The following ACAD9 variants were observed in gnomAD, a reference collection of about 807,000 sequenced individuals.
The protein encoded by ACAD9 is acyl-CoA dehydrogenase family member 9, also known as complex I assembly factor ACAD9, mitochondrial.
In ACAD9, 53 loss-of-function variants were observed where a neutral mutation model predicts 70.2. The ratio of observed to expected loss-of-function variants is 0.75; its 90% CI spans 0.61 to 0.95. ACAD9 has a LOEUF of 0.95. ACAD9 is among the 40% of genes least tolerant of loss of function. The probability of loss-of-function intolerance (pLI) is 0.00; values close to 1 mark genes in which losing one functional copy is unlikely to be tolerated. For missense variants in ACAD9, 777 were observed against 802.8 expected, an observed-to-expected ratio of 0.97 and a Z score of 0.39; for synonymous variants, 313 against 312.1, an observed-to-expected ratio of 1.00 and a Z score of -0.03.
At chr3:128,911,669 T>A (rs1331261240) in intron 17 of ACAD9, among the ~76,000 whole-genome samples, 2 of 139,946 alleles carry the variant, frequency 1.4e-5, no homozygotes, top group Admixed American at 7.2e-5. Context: ...CTCCAACCCC[T>A]GACCTCAGGT....
Position 128,897,696 on chromosome 3 carries a change from C to A in ACAD9, c.619C>A (p.Leu207Ile). Residue 207 changes from leucine (L) to isoleucine (I), a missense_variant, in exon 6 of 18, where the codon CTC becomes ATC. Leu to Ile is a conservative substitution (Grantham distance 5). Coordinates refer to ENST00000308982, the MANE Select transcript of ACAD9 (RefSeq NM_014049.5). ...TLSEDKKHYILNGSKVWITNG... is the reference protein window; with the variant it reads ...TLSEDKKHYIINGSKVWITNG... ...AAGTGAAGACAAGAAGCACTACATC[C>A]TCAATGGCTCCAAGGTAGGGTTCCT... is the stretch of plus-strand genomic sequence containing the variant. 6.2e-7 allele frequency: 1 copy of A among 1,613,634 alleles called. No individual in the cohort carries two copies. Among genetic ancestry groups the A allele is most frequent in the South Asian group, 1.1e-5 (1 of 90,938 alleles).
At chr3:128,898,252 A>T (rs1559824919) in intron 6 of ACAD9, among the ~76,000 whole-genome samples, 1 of 152,150 alleles carries the variant, frequency 6.6e-6, no homozygotes, top group Non-Finnish European at 1.5e-5. Flanking sequence ...TCACCTGCTT[A>T]TGGCCACTGT....
chr3:128,897,595 A>G (rs769750910), intron 5 of ACAD9, 37 bp from the exon 6 acceptor site: 3 of 1,591,278 alleles, frequency 1.9e-6, no homozygotes, highest in Non-Finnish European at 2.6e-6. Context: ...ATTTATTCCC[A>G]GTATTCTCCC....
chr3:128,900,989 A>G (rs1935720920), intron 7 of ACAD9, among the ~76,000 whole-genome samples: 1 of 152,138 alleles, frequency 6.6e-6, no homozygotes, highest in Admixed American at 6.6e-5. Context: ...AGTCCTTAAT[A>G]AAAATATTAT....
chr3:128,906,731 G>A (rs1935904172), intron 12 of ACAD9, among the ~76,000 whole-genome samples: 1 of 152,184 alleles, frequency 6.6e-6, no homozygotes. Flanking sequence ...GGCACAAGGT[G>A]AATGAAGAGA....
Position 128,910,099 on chromosome 3 carries a change from T to C in ACAD9, c.1642T>C (p.Ser548Pro), listed in dbSNP as rs1936095738. 6.2e-7 allele frequency: 1 copy of C among 1,613,586 alleles called. No individual in the cohort carries two copies. The change falls in exon 16 of 18, where the codon TCG becomes CCG. Residue 548 changes from serine (S) to proline (P), a missense_variant. By Grantham distance (74) the Ser-to-Pro change is moderately conservative. Transcript: ENST00000308982. ...INLYGMTAVL[S>P]RASRSIRIGL... ...CCTGTATGGCATGACGGCCGTGCTG[T>C]CGCGGGCCAGCCGCTCCATCCGCAT... is the stretch of plus-strand genomic sequence containing the variant.
Position 128,910,821 on chromosome 3 carries a change from G to T in ACAD9, c.1765+8G>T. 1 of 1,614,076 alleles carries T rather than the reference G, an allele frequency of 6.2e-7. No individual in the cohort carries two copies. The highest frequency in any genetic ancestry group is 8.5e-7 in the Non-Finnish European group (1 of 1,179,954). ...TCTCTCAGCTGGACAAGTGTGAGTG[G>T]CATGTCTTGGGGGAGGGAAGGAAGG... On this transcript the variant is annotated splice_region_variant and intron_variant, in intron 17 of 17. Transcript: ENST00000308982.
intron 3 of ACAD9, among the ~76,000 whole-genome samples, chr3:128,894,702 A>AT (rs1472069872): frequency 2.6e-5 from 4 of 151,080 alleles, no homozygotes; most frequent in African/African-American, 7.3e-5. Flanking sequence ...TGCCTGGTGA[A>AT]TTTTTTTTAT....
rs1936142481 is a variant in ACAD9 at position 128,910,384 on chromosome 3, C to T, written c.1692+235C>T. 8 of 1,445,318 alleles carry T rather than the reference C, an allele frequency of 5.5e-6. 1 individual carries two copies. In the South Asian group the frequency reaches 8.5e-5, roughly 15 times the overall value. 89.5% of individuals were successfully genotyped at this position (1,445,318 alleles called of 1,614,324 possible). ...GGGGTTCCTGATCCCAGTGCCCCTA[C>T]CCCCAGCAAGGGACAGACCCTGCAC... On this transcript the variant is annotated intron_variant, in intron 16 of 17. Coordinates refer to ENST00000308982, the MANE Select transcript of ACAD9 (RefSeq NM_014049.5).
Position 128,899,420 on chromosome 3 carries a change from A to G in ACAD9, c.767A>G (p.Asn256Ser), listed in dbSNP as rs768837159. The G allele has an allele frequency of 1.9e-6, 3 of 1,614,124 alleles. No individual in the cohort carries two copies. The African/African-American group carries it at 4.0e-5, about 22-fold the overall frequency. Residue 256 changes from asparagine (N) to serine (S), a missense_variant, in exon 7 of 18, where the codon AAT (asparagine) becomes AGT (serine). Physicochemically the swap from Asn to Ser is conservative, Grantham distance 46 (BLOSUM62 1). Transcript: ENST00000308982. ...IVERDFGGVT[N>S]GKPEDKLGIR... ...GAAAGAGACTTTGGTGGAGTCACTAATGGGAAACCCGAAGATAAATTAGGC... is the reference window on the plus strand; with the variant it reads ...GAAAGAGACTTTGGTGGAGTCACTAGTGGGAAACCCGAAGATAAATTAGGC...
Position 128,899,424 on chromosome 3 carries a change from G to T in ACAD9, c.771G>T (p.Gly257=). ...GAGACTTTGGTGGAGTCACTAATGG[G>T]AAACCCGAAGATAAATTAGGCATTC... ...VERDFGGVTN[G]KPEDKLGIRG... Residue 257 remains glycine, a synonymous_variant, in exon 7 of 18, where the codon GGG becomes GGT. Coordinates refer to ENST00000308982, the MANE Select transcript of ACAD9 (RefSeq NM_014049.5). 6.2e-7 allele frequency: 1 copy of T among 1,614,242 alleles called. No individual in the cohort carries two copies. The highest frequency in any genetic ancestry group is 8.5e-7 in the Non-Finnish European group (1 of 1,180,042).
intron 11 of ACAD9, 113 bp downstream of exon 11, chr3:128,904,618 C>T: frequency 1.3e-6 from 2 of 1,508,724 alleles, no homozygotes; most frequent in South Asian, 1.2e-5. Flanking sequence ...GTCATTGATC[C>T]AGTATTTATG....
intron 7 of ACAD9, among the ~76,000 whole-genome samples, chr3:128,900,917 A>G (rs982898145): frequency 2.0e-5 from 3 of 152,136 alleles, no homozygotes; most frequent in African/African-American, 7.2e-5. Context: ...CTGGCTCTTT[A>G]TATGCCTGGT....
chr3:128,893,571 T>G lies in ACAD9; in HGVS notation c.261T>G (p.Ile87Met). ...FFTEEVDSRKIDQEGKIPDET... is the reference protein window; with the variant it reads ...FFTEEVDSRKMDQEGKIPDET... ...TCTTGGCAGTGGACTCCCGAAAAAT[T>G]GACCAGGAAGGGAAAATCCCAGATG... Residue 87 changes from isoleucine to methionine, a missense_variant, in exon 3 of 18, where the codon ATT (isoleucine) becomes ATG (methionine). Physicochemically the swap from Ile to Met is conservative, Grantham distance 10 (BLOSUM62 1). Transcript: ENST00000308982. The G allele has an allele frequency of 6.2e-7, 1 of 1,614,124 alleles. No individual in the cohort carries two copies. Among genetic ancestry groups the G allele is most frequent in the Non-Finnish European group, 8.5e-7 (1 of 1,179,990 alleles).
chr3:128,897,431 C>G (rs1559824535), intron 5 of ACAD9, among the ~76,000 whole-genome samples: 1 of 152,130 alleles, frequency 6.6e-6, no homozygotes. Context: ...CTGCCTCAGC[C>G]TCATGTTCTA....
rs71153150 is a variant in ACAD9, at chr3:128,887,644, A to AATATATATAT, written c.244+2913_244+2922dup. On this transcript the variant is annotated intron_variant, in intron 2 of 17. Transcript: ENST00000308982. ...AAAAATAAAAATAAAAAAATAAATAAATATATATATATATATATATATATG... is the reference window on the plus strand; with the variant it reads ...AAAAATAAAAATAAAAAAATAAATAAATATATATATATATATATATATATATATATATATG... Among the ~76,000 whole-genome samples, 379 of 133,072 alleles carry AATATATATAT rather than the reference A, an allele frequency of 2.8e-3. 2 individuals are homozygous for AATATATATAT. The highest frequency in any genetic ancestry group is 0.015 in the Middle Eastern group (4 of 266). The allele number at this position is 133,072 out of a possible 152,430, so 87.3% of individuals were successfully genotyped here. A position where few individuals can be genotyped will look rare whatever the true frequency, so the allele number is the denominator to read the frequency against.
intron 2 of ACAD9, among the ~76,000 whole-genome samples, chr3:128,885,809 G>A (rs1050126775): frequency 5.3e-5 from 8 of 152,110 alleles, no homozygotes; most frequent in African/African-American, 1.9e-4. Context: ...CTGAGGTCTG[G>A]AGTTCAAGAC....
intron 1 of ACAD9, among the ~76,000 whole-genome samples, chr3:128,884,332 AC>A (rs1461542551): frequency 6.6e-6 from 1 of 152,116 alleles, no homozygotes; most frequent in Non-Finnish European, 1.5e-5. Context: ...CAAGGACCAG[AC>A]CCCCAGGCTT....
At chr3:128,880,595 G>C (rs1206023758) in intron 1 of ACAD9, among the ~76,000 whole-genome samples, 1 of 151,022 alleles carries the variant, frequency 6.6e-6, no homozygotes, top group African/African-American at 2.4e-5. Context: ...TCACCATGTT[G>C]GCCAAGCTGG....
Sources: allele counts gnomAD v4.1 joint callset (sites outside exome capture counted in the v4.1 genomes callset), GRCh38; gene constraint gnomAD v4.1.1; transcripts MANE v1.5; gene names NCBI Gene and HGNC (gene_info 2026-07-23, HGNC 2026-07-21).